The following USP15 variants were observed in gnomAD, a reference collection of about 807,000 sequenced individuals.
USP15 encodes ubiquitin carboxyl-terminal hydrolase 15.
Under a neutral mutation model 127.1 loss-of-function variants are expected in USP15, and 18 were observed. The ratio of observed to expected loss-of-function variants is 0.14; its 90% CI spans 0.10 to 0.21. The LOEUF is 0.21. Ranked by LOEUF, USP15 falls within the 10% of genes least tolerant of loss-of-function variation. The pLI is 1.00. For missense variants in USP15, 805 were observed against 1,159.9 expected (o/e 0.69, Z 4.44); for synonymous variants, 364 against 393.7 (o/e 0.92, Z 0.89).
In USP15 at chr12:62,370,177, C is replaced by T. The variant is rs115122249; in HGVS notation, c.916-11313C>T. On this transcript the variant is annotated intron_variant, in intron 8 of 21. Coordinates refer to ENST00000280377, the MANE Select transcript of USP15 (RefSeq NM_001252078.2). ...TTTAGTAGAGACAGGGTGATCTGCC[C>T]GTCTCGGCCTCCCAAAGTGCTGGGA... Among the ~76,000 whole-genome samples, 1,065 of 152,116 alleles carry T rather than the reference C, an allele frequency of 7.0e-3. 9 individuals are homozygous for T. Among genetic ancestry groups the T allele is most frequent in the African/African-American group, 0.023 (969 of 41,496 alleles).
At chr12:62,391,073 AC>A in intron 15 of USP15, 83 bp from the exon 16 acceptor site, 1 of 1,502,870 alleles carries the variant, frequency 6.7e-7, no homozygotes, top group South Asian at 1.3e-5. Flanking sequence ...ACTAAAAAAT[AC>A]CTGGAAACCT....
At chr12:62,356,210 G>A (rs971783093) in intron 8 of USP15, among the ~76,000 whole-genome samples, 9 of 151,210 alleles carry the variant, frequency 6.0e-5, no homozygotes, top group Non-Finnish European at 1.3e-4. Flanking sequence ...CCTTTTTTTC[G>A]TCAGTCTCTT....
At chr12:62,367,219 TTTTG>T (rs928074760) in intron 8 of USP15, among the ~76,000 whole-genome samples, 5 of 151,908 alleles carry the variant, frequency 3.3e-5, no homozygotes, top group South Asian at 2.1e-4. Flanking sequence ...GGAGTTGTTT[TTTTG>T]TTTGTTTGTT....
chr12:62,292,097 T>C (rs754604852), intron 1 of USP15, among the ~76,000 whole-genome samples: 3 of 149,740 alleles, frequency 2.0e-5, no homozygotes, highest in African/African-American at 7.4e-5. Context: ...AGGGGAGTCA[T>C]TGGGCCACTG....
chr12:62,364,844 T>C (rs1052826478), intron 8 of USP15, among the ~76,000 whole-genome samples: 11 of 152,270 alleles, frequency 7.2e-5, no homozygotes, highest in Admixed American at 1.3e-4. Flanking sequence ...TTGCTGAGAA[T>C]GATGGTTTCC....
At position 62,381,616 on chromosome 12, in the gene USP15, C is replaced by T; in HGVS notation, c.1042C>T (p.Gln348Ter). 1 of 1,612,560 alleles carries T rather than the reference C, an allele frequency of 6.2e-7. No homozygotes were observed. Among genetic ancestry groups the T allele is most frequent in the Non-Finnish European group, 8.5e-7 (1 of 1,179,034 alleles). Residue 348 changes from glutamine (Q) to a stop codon, truncating the protein, a stop_gained, in exon 9 of 22, where the codon CAA becomes TAA. Coordinates refer to ENST00000280377, the MANE Select transcript of USP15 (RefSeq NM_001252078.2). LOFTEE classifies it high-confidence loss of function. ...IAKSYAELIK[Q>*]MWSGKFSYVT... ...TAAATCTTATGCCGAACTGATCAAG[C>T]AAATGTGGTCTGGAAAGTTTAGCTA...
At chr12:62,303,057 A>G in intron 3 of USP15, 137 bp downstream of exon 3, 1 of 933,480 alleles carries the variant, frequency 1.1e-6, no homozygotes, top group Non-Finnish European at 1.5e-6. Flanking sequence ...ACTGTGTTAC[A>G]ATAATGGCAA....
rs577875855 is a variant in USP15 at position 62,395,887 on chromosome 12, A to T, written c.2571-408A>T. ...TATATGTACCAGATTTTCTTTAGCCATTTATCTGTTGATAGACACTTAGTT... is the reference window on the plus strand; with the variant it reads ...TATATGTACCAGATTTTCTTTAGCCTTTTATCTGTTGATAGACACTTAGTT... On this transcript the variant is annotated intron_variant, in intron 19 of 21. Coordinates refer to ENST00000280377, the MANE Select transcript of USP15 (RefSeq NM_001252078.2). Among the ~76,000 whole-genome samples, 38 of 152,070 alleles carry T rather than the reference A, an allele frequency of 2.5e-4. No homozygotes were observed. The South Asian group carries it at 7.2e-3, about 29-fold the overall frequency.
At chr12:62,382,459 T>TA (rs1340108767) in intron 9 of USP15, among the ~76,000 whole-genome samples, 1 of 151,892 alleles carries the variant, frequency 6.6e-6, no homozygotes, top group Non-Finnish European at 1.5e-5. Context: ...TCTTAGAAAA[T>TA]AAAAAACCAG....
intron 1 of USP15, among the ~76,000 whole-genome samples, chr12:62,279,704 T>G (rs181534586): frequency 1.9e-4 from 29 of 152,316 alleles, no homozygotes; most frequent in Admixed American, 8.5e-4. Flanking sequence ...ATTTGCCTAA[T>G]TAAGTGTTGT....
chr12:62,291,858 G>C (rs2063980002), intron 1 of USP15, among the ~76,000 whole-genome samples: 1 of 152,206 alleles, frequency 6.6e-6, no homozygotes, highest in South Asian at 2.1e-4. Context: ...CCTCCTGTAA[G>C]TCAGGGTAGC....
At chr12:62,379,941 G>A (rs979777994) in intron 8 of USP15, among the ~76,000 whole-genome samples, 6 of 151,930 alleles carry the variant, frequency 3.9e-5, no homozygotes, top group Admixed American at 6.6e-5. Flanking sequence ...TATGAGAGAG[G>A]TTGAGATCTA....
intron 6 of USP15, chr12:62,328,163 A>G (rs1317637411): frequency 3.3e-6 from 1 of 305,278 alleles, no homozygotes; most frequent in East Asian, 7.7e-5. Context: ...AGTCATTTGT[A>G]TAAAATCCAA....
chr12:62,382,613 G>T (rs1418814904), intron 9 of USP15, among the ~76,000 whole-genome samples: 2 of 151,762 alleles, frequency 1.3e-5, no homozygotes, highest in African/African-American at 4.8e-5. Flanking sequence ...TGTGTAAATA[G>T]GTTCTTTATG....
Position 62,415,082 on chromosome 12 carries a change from G to A in USP15, c.*10707G>A, listed in dbSNP as rs1054393363. ...AGGCTGAGAAGTCTCATGATCTTCA[G>A]TCAGCAGGCTGGAGACCCAGGAATG... On this transcript the variant is annotated 3_prime_UTR_variant, in exon 22 of 22. Coordinates refer to ENST00000280377, the MANE Select transcript of USP15 (RefSeq NM_001252078.2). 4.6e-5 allele frequency: 7 copies of A among 151,876 alleles called. No homozygotes were observed. Among genetic ancestry groups the A allele is most frequent in the Non-Finnish European group, 8.8e-5 (6 of 67,998 alleles). The allele number at this position is 151,876 out of a possible 1,614,324, so 9.4% of individuals were successfully genotyped here. A position where few individuals can be genotyped will look rare whatever the true frequency, so the allele number is the denominator to read the frequency against.
intron 4 of USP15, among the ~76,000 whole-genome samples, chr12:62,319,802 G>C (rs1342675877): frequency 6.6e-6 from 1 of 152,146 alleles, no homozygotes; most frequent in Non-Finnish European, 1.5e-5. Flanking sequence ...GTCAACAGTG[G>C]TTATATCTAG....
intron 4 of USP15, 177 bp downstream of exon 4, chr12:62,315,093 G>T (rs2064793981): frequency 7.3e-6 from 4 of 550,810 alleles, no homozygotes; most frequent in Non-Finnish European, 1.1e-5. Context: ...GTATGCTTTT[G>T]CATTTATTAA....
rs1428253873 is a variant in USP15 at position 62,412,317 on chromosome 12, G to T, written c.*7942G>T. The T allele has an allele frequency of 6.6e-6, 1 of 152,216 alleles. No individual in the cohort carries two copies. Among genetic ancestry groups the T allele is most frequent in the Non-Finnish European group, 1.5e-5 (1 of 68,044 alleles). 9.4% of individuals were successfully genotyped at this position (152,216 alleles called of 1,614,324 possible). A position where few individuals can be genotyped will look rare whatever the true frequency, so the allele number is the denominator to read the frequency against. ...CCTCATTTTGATAGATACTCACCAG[G>T]ATGGTGGTTGCTGAAGGTTAGGGTG... On this transcript the variant is annotated 3_prime_UTR_variant, in exon 22 of 22. Transcript: ENST00000280377.
rs2067926626 is a variant in USP15, at chr12:62,407,964, A to G, written c.*3589A>G. 6.6e-6 allele frequency: 1 copy of G among 152,126 alleles called. No homozygotes were observed. The allele number at this position is 152,126 out of a possible 1,614,324, so 9.4% of individuals were successfully genotyped here. On this transcript the variant is annotated 3_prime_UTR_variant, in exon 22 of 22. Coordinates refer to ENST00000280377, the MANE Select transcript of USP15 (RefSeq NM_001252078.2). Reference sequence around the variant, plus strand: ...ATCTGTGTTATTTTAGTAGTCCTGTATTTATCCTTGCTTTCCTGACAACTG... The same window carrying G: ...ATCTGTGTTATTTTAGTAGTCCTGTGTTTATCCTTGCTTTCCTGACAACTG...
Sources: gnomAD v4.1 joint callset for allele counts (sites outside exome capture counted in the v4.1 genomes callset) on GRCh38, gnomAD v4.1.1 for gene constraint, MANE v1.5 for transcripts, NCBI Gene and HGNC (gene_info 2026-07-23, HGNC 2026-07-21) for gene names.